The following GRM7 variants were observed in gnomAD, a reference collection of about 807,000 sequenced individuals.
The protein encoded by GRM7 is metabotropic glutamate receptor 7.
A neutral mutation model predicts 84.5 loss-of-function variants in GRM7; 35 were observed. The observed-to-expected ratio is 0.41, with a 90% confidence interval of 0.32 to 0.55. The LOEUF (loss-of-function observed/expected upper bound fraction) is 0.55, where lower values mean the gene tolerates loss of function less well. Among genes scored for constraint, GRM7 ranks in the 20% least tolerant of loss-of-function variants. GRM7 has a pLI of 0.19. For synonymous variants in GRM7, 487 were observed against 455.1 expected (o/e 1.07, Z -0.89); for missense variants, 1,003 against 1,194.6 (o/e 0.84, Z 2.36).
intron 7 of GRM7, among the ~76,000 whole-genome samples, chr3:7,574,142 G>A (rs1220568678): frequency 2.0e-5 from 3 of 148,114 alleles, no homozygotes; most frequent in Non-Finnish European, 4.4e-5. Flanking sequence ...CAGCTTGTGA[G>A]CTTTGTGTCT....
intron 2 of GRM7, among the ~76,000 whole-genome samples, chr3:7,159,854 A>G (rs1180470349): frequency 6.6e-6 from 1 of 152,292 alleles, no homozygotes; most frequent in Admixed American, 6.5e-5. Context: ...AAAAACTAAA[A>G]GTTCAAAATC....
rs181143900 is a variant in GRM7, at chr3:7,425,542, T to A, written c.1174+10379T>A. Among the ~76,000 whole-genome samples the A allele has an allele frequency of 2.5e-3, 385 of 152,198 alleles. 1 individual carries two copies. Among genetic ancestry groups the A allele is most frequent in the Non-Finnish European group, 3.8e-3 (260 of 68,000 alleles). On this transcript the variant is annotated intron_variant, in intron 5 of 9. Transcript: ENST00000357716. ...AGACTGAAATAGTGTGAAACCAAGG[T>A]GGTACAAAATAATACCTTTAAGAAA...
At chr3:7,565,294 C>A (rs990547927) in intron 7 of GRM7, among the ~76,000 whole-genome samples, 16 of 152,104 alleles carry the variant, frequency 1.1e-4, no homozygotes, top group African/African-American at 3.9e-4. Flanking sequence ...CATTTCTTCC[C>A]AGATATTGAA....
chr3:7,369,370 G>C (rs1318157845), intron 4 of GRM7, among the ~76,000 whole-genome samples: 2 of 151,994 alleles, frequency 1.3e-5, no homozygotes, highest in Non-Finnish European at 2.9e-5. Flanking sequence ...TCAGGAGGAG[G>C]GAGAACAGAG....
chr3:7,678,956 A>G (rs1217142293), intron 8 of GRM7, among the ~76,000 whole-genome samples: 1 of 890 alleles, frequency 1.1e-3, no homozygotes, highest in African/African-American at 1.7e-3. Flanking sequence ...TTTGCAGACA[A>G]TAATAATGTC....
intron 4 of GRM7, among the ~76,000 whole-genome samples, chr3:7,318,567 G>GT (rs1234868820): frequency 2.0e-5 from 3 of 151,902 alleles, no homozygotes; most frequent in Admixed American, 1.3e-4. Context: ...GGTTGAAGGG[G>GT]TTTTTTAAAT....
chr3:7,243,500 GT>G (rs923127332), intron 2 of GRM7, among the ~76,000 whole-genome samples: 3 of 152,062 alleles, frequency 2.0e-5, no homozygotes, highest in African/African-American at 7.2e-5. Context: ...TAATGAGAGA[GT>G]TTTTATAAAA....
intron 6 of GRM7, among the ~76,000 whole-genome samples, chr3:7,454,235 T>C (rs1156353106): frequency 1.3e-5 from 2 of 152,102 alleles, no homozygotes; most frequent in Middle Eastern, 3.2e-3. Context: ...CAAAACTCTT[T>C]TATAAATTGA....
intron 7 of GRM7, among the ~76,000 whole-genome samples, chr3:7,537,473 C>T (rs1026434515): frequency 6.6e-6 from 1 of 152,144 alleles, no homozygotes; most frequent in Admixed American, 6.5e-5. Context: ...ATTCAAGGAA[C>T]TTGATAGAAA....
intron 2 of GRM7, among the ~76,000 whole-genome samples, chr3:7,279,765 GGT>G (rs1361379707): frequency 6.6e-6 from 1 of 152,136 alleles, no homozygotes; most frequent in Admixed American, 6.5e-5. Flanking sequence ...ATATCTATTT[GGT>G]GTGTGTGCTT....
chr3:7,499,115 G>A (rs1056305874), intron 7 of GRM7, among the ~76,000 whole-genome samples: 2 of 152,150 alleles, frequency 1.3e-5, no homozygotes, highest in Non-Finnish European at 2.9e-5. Flanking sequence ...TTTGCTCCAT[G>A]TCTGTCTAGA....
chr3:7,573,490 G>A (rs1331615360), intron 7 of GRM7, among the ~76,000 whole-genome samples: 1 of 152,102 alleles, frequency 6.6e-6, no homozygotes, highest in African/African-American at 2.4e-5. Context: ...CCATAAAAAT[G>A]GATGCACTGA....
intron 7 of GRM7, among the ~76,000 whole-genome samples, chr3:7,528,156 G>A (rs1034048582): frequency 2.6e-5 from 4 of 151,890 alleles, no homozygotes; most frequent in South Asian, 2.1e-4. Context: ...AGTCCAGGGC[G>A]TTGTTTTGGT....
chr3:7,419,222 A>G (rs1192327381), intron 5 of GRM7, among the ~76,000 whole-genome samples: 2 of 152,172 alleles, frequency 1.3e-5, no homozygotes, highest in East Asian at 3.9e-4. Context: ...GAGTTTGCAG[A>G]CAGGCGTCAT....
At chr3:7,225,105 G>A (rs1696940136) in intron 2 of GRM7, among the ~76,000 whole-genome samples, 1 of 152,016 alleles carries the variant, frequency 6.6e-6, no homozygotes. Flanking sequence ...TCTCTTTGAT[G>A]TTACAAAGGA....
At chr3:7,357,857 G>C (rs925076236) in intron 4 of GRM7, among the ~76,000 whole-genome samples, 5 of 151,986 alleles carry the variant, frequency 3.3e-5, no homozygotes, top group African/African-American at 1.2e-4. Context: ...TGACCAAGAA[G>C]ATTGCCTGTA....
chr3:7,319,553 T>C (rs748330123), intron 4 of GRM7, among the ~76,000 whole-genome samples: 2 of 152,024 alleles, frequency 1.3e-5, no homozygotes, highest in Non-Finnish European at 2.9e-5. Context: ...TTCTGAGATT[T>C]CTAGTGGAGT....
chr3:7,720,518 G>C (rs1258139106), intron 9 of GRM7, among the ~76,000 whole-genome samples: 1 of 152,164 alleles, frequency 6.6e-6, no homozygotes, highest in East Asian at 1.9e-4. Flanking sequence ...TTTGCTGCCA[G>C]GGGGTATCAC....
At chr3:7,645,857 TG>T (rs772355375) in intron 8 of GRM7, among the ~76,000 whole-genome samples, 1 of 152,200 alleles carries the variant, frequency 6.6e-6, no homozygotes, top group African/African-American at 2.4e-5. Flanking sequence ...CAAAGTCTCC[TG>T]GGAGTACACT....
Sources: gnomAD v4.1 joint callset for allele counts (sites outside exome capture counted in the v4.1 genomes callset) on GRCh38, gnomAD v4.1.1 for gene constraint, MANE v1.5 for transcripts, NCBI Gene and HGNC (gene_info 2026-07-23, HGNC 2026-07-21) for gene names.